Variants in LGSN observed in about 807,000 individuals in gnomAD.
LGSN encodes the protein lengsin.
A neutral mutation model predicts 19.5 loss-of-function variants in LGSN; 21 were observed. The observed-to-expected ratio is 1.07, with a 90% confidence interval of 0.76 to 1.55. The LOEUF is 1.55. LGSN is among the 40% of genes most tolerant of loss of function. LGSN has a pLI of 0.00. For missense variants in LGSN, 673 were observed against 608.5 expected (o/e 1.11, Z -1.12); for synonymous variants, 257 against 215.6 (o/e 1.19, Z -1.68).
the LGSN span, among the ~76,000 whole-genome samples, chr6:63,366,342 G>C: frequency 1.6e-4 from 24 of 152,272 alleles, no homozygotes; most frequent in African/African-American, 5.3e-4. Flanking sequence ...ACTCACAATT[G>C]CTTCAAAGAG....
the LGSN span, among the ~76,000 whole-genome samples, chr6:63,398,663 T>A: frequency 2.0e-5 from 3 of 152,144 alleles, no homozygotes; most frequent in African/African-American, 4.8e-5. Flanking sequence ...TACTATTTTT[T>A]AAATAAATTT....
At chr6:63,352,669 T>TCACACA in the LGSN span, among the ~76,000 whole-genome samples, 26 of 150,684 alleles carry the variant, frequency 1.7e-4, no homozygotes, top group African/African-American at 6.1e-4. Context: ...TCTCTCTCTC[T>TCACACA]CACACACACA....
the LGSN span, among the ~76,000 whole-genome samples, chr6:63,331,797 C>T: frequency 6.6e-6 from 1 of 152,150 alleles, no homozygotes. Flanking sequence ...TCCTTGAAAA[C>T]CTGCACCCTT....
At chr6:63,416,728 C>T in the LGSN span, among the ~76,000 whole-genome samples, 12 of 150,588 alleles carry the variant, frequency 8.0e-5, no homozygotes, top group African/African-American at 1.7e-4. Flanking sequence ...CCACCACGCC[C>T]GGCTAATTTT....
chr6:63,412,505 A>AGAAAGAAAGAAAGAAAGAAG, the LGSN span, among the ~76,000 whole-genome samples: 16 of 113,322 alleles, frequency 1.4e-4, no homozygotes, highest in East Asian at 2.5e-4. Context: ...AAAGAAAGAA[A>AGAAAGAAAGAAAGAAAGAAG]GAAAGAAAGA....
At chr6:63,413,510 C>T in the LGSN span, among the ~76,000 whole-genome samples, 1 of 152,078 alleles carries the variant, frequency 6.6e-6, no homozygotes, top group African/African-American at 2.4e-5. Flanking sequence ...ATAGCATAAG[C>T]CCTGTTTTAA....
At chr6:63,295,968 T>A (rs1767965738) in intron 1 of LGSN, among the ~76,000 whole-genome samples, 1 of 152,206 alleles carries the variant, frequency 6.6e-6, no homozygotes, top group South Asian at 2.1e-4. Context: ...GTAAACACTT[T>A]GAGCTTAGTA....
chr6:63,429,405 CAGCCGAAAG>C, the LGSN span, among the ~76,000 whole-genome samples: 2 of 151,908 alleles, frequency 1.3e-5, no homozygotes, highest in Non-Finnish European at 2.9e-5. Context: ...TGAATTGGAC[CAGCCGAAAG>C]TATACAGACT....
At chr6:63,410,378 A>G in the LGSN span, among the ~76,000 whole-genome samples, 26 of 152,328 alleles carry the variant, frequency 1.7e-4, no homozygotes, top group Admixed American at 9.2e-4. Context: ...AAAATTGAGT[A>G]AAGTCTTTAT....
the LGSN span, among the ~76,000 whole-genome samples, chr6:63,332,364 G>T: frequency 6.6e-6 from 1 of 152,272 alleles, no homozygotes; most frequent in East Asian, 1.9e-4. Flanking sequence ...GACCCAGGGG[G>T]CAAGGGTCAG....
the LGSN span, among the ~76,000 whole-genome samples, chr6:63,468,217 C>T: frequency 6.6e-6 from 1 of 152,114 alleles, no homozygotes; most frequent in Admixed American, 6.6e-5. Flanking sequence ...TGCAACCTCC[C>T]TCCTTGGTTC....
At chr6:63,480,902 C>A in the LGSN span, among the ~76,000 whole-genome samples, 1 of 141,936 alleles carries the variant, frequency 7.0e-6, no homozygotes, top group African/African-American at 2.7e-5. Context: ...GTGGAACCAA[C>A]CTAAGTGCCC....
the LGSN span, among the ~76,000 whole-genome samples, chr6:63,468,209 C>T: frequency 6.6e-6 from 1 of 152,126 alleles, no homozygotes; most frequent in Admixed American, 6.6e-5. Flanking sequence ...TGGCTTACTG[C>T]AACCTCCCTC....
At chr6:63,403,101 CAG>C in the LGSN span, among the ~76,000 whole-genome samples, 38 of 148,260 alleles carry the variant, frequency 2.6e-4, no homozygotes, top group Admixed American at 3.4e-4. Context: ...GAGAGAGAGA[CAG>C]AGAGAGAGAG....
chr6:63,449,510 C>A, the LGSN span, among the ~76,000 whole-genome samples: 1 of 150,844 alleles, frequency 6.6e-6, no homozygotes. Context: ...ACACCACTGC[C>A]CTCCAGCCTG....
the LGSN span, among the ~76,000 whole-genome samples, chr6:63,447,650 G>T: frequency 6.6e-6 from 1 of 152,094 alleles, no homozygotes; most frequent in African/African-American, 2.4e-5. Flanking sequence ...CAAAATAACT[G>T]TTAGCATCCT....
chr6:63,504,398 C>T, the LGSN span, among the ~76,000 whole-genome samples: 176 of 152,232 alleles, frequency 1.2e-3, 1 homozygote, highest in African/African-American at 4.0e-3. Flanking sequence ...CCCACCACCA[C>T]GCCCAGCTAA....
the LGSN span, among the ~76,000 whole-genome samples, chr6:63,354,463 A>G: frequency 2.6e-5 from 4 of 152,198 alleles, no homozygotes; most frequent in African/African-American, 9.6e-5. Context: ...CCCAGTTAGA[A>G]TAGTTATTAT....
At chr6:63,496,850 A>G in the LGSN span, among the ~76,000 whole-genome samples, 74 of 152,200 alleles carry the variant, frequency 4.9e-4, no homozygotes, top group Admixed American at 1.6e-3. Context: ...TCACCCAGCC[A>G]GGAAGTGGTT....
Sources: gnomAD v4.1 joint callset for allele counts (sites outside exome capture counted in the v4.1 genomes callset) on GRCh38, gnomAD v4.1.1 for gene constraint, MANE v1.5 for transcripts, NCBI Gene and HGNC (gene_info 2026-07-23, HGNC 2026-07-21) for gene names.